ADGRL4: variants seen among roughly 807,000 people sequenced by gnomAD.
ADGRL4 encodes the protein EGF, latrophilin and seven transmembrane domain containing 1.
ADGRL4 carries 90 observed loss-of-function variants against 74.8 expected under a neutral mutation model. That is an observed-to-expected ratio of 1.20 (90% CI 1.02 to 1.43). ADGRL4 has a LOEUF of 1.43. ADGRL4 is among the 40% of genes most tolerant of loss of function. The pLI is 0.00. For synonymous variants in ADGRL4, 311 were observed against 279.2 expected (o/e 1.11, Z -1.14); for missense variants, 881 against 814.3 (o/e 1.08, Z -1.00).
intron 12 of ADGRL4, among the ~76,000 whole-genome samples, chr1:78,910,974 T>C (rs1012666203): frequency 6.6e-6 from 1 of 151,856 alleles, no homozygotes; most frequent in Non-Finnish European, 1.5e-5. Context: ...ACCTAAGTAG[T>C]TAACACTTAT....
chr1:78,891,474 C>G, intron 14 of ADGRL4, 50 bp downstream of exon 14: 1 of 1,544,734 alleles, frequency 6.5e-7, no homozygotes, highest in Middle Eastern at 1.7e-4. Flanking sequence ...AATTTGGCAA[C>G]TGATGTTACA....
Position 78,890,923 on chromosome 1 carries a change from AC to A in ADGRL4, c.*230del. ...CAATTACTTTCCAAATATCTGCAAT[AC>A]TATTTTTGACAGAACTATTTCACAT... On this transcript the variant is annotated 3_prime_UTR_variant, in exon 15 of 15. Coordinates refer to ENST00000370742, the MANE Select transcript of ADGRL4 (RefSeq NM_022159.4). The A allele has an allele frequency of 2.0e-6, 1 of 507,724 alleles. No individual in the cohort carries two copies. 31.5% of individuals were successfully genotyped at this position (507,724 alleles called of 1,614,324 possible). A position where few individuals can be genotyped will look rare whatever the true frequency, so the allele number is the denominator to read the frequency against.
At chr1:78,933,177 T>C (rs1649281518) in intron 7 of ADGRL4, among the ~76,000 whole-genome samples, 1 of 151,502 alleles carries the variant, frequency 6.6e-6, no homozygotes, top group Middle Eastern at 3.4e-3. Flanking sequence ...GCAAAAATCC[T>C]CAATAAAATA....
At chr1:78,915,313 C>A (rs1213267121) in intron 12 of ADGRL4, among the ~76,000 whole-genome samples, 1 of 151,846 alleles carries the variant, frequency 6.6e-6, no homozygotes, top group African/African-American at 2.4e-5. Flanking sequence ...ATGGCAAACT[C>A]TCATAAAAAA....
At chr1:78,921,890 A>T (rs1339963310) in intron 8 of ADGRL4, 104 bp from the exon 9 acceptor site, 2 of 568,752 alleles carry the variant, frequency 3.5e-6, no homozygotes, top group Non-Finnish European at 5.5e-6. Context: ...ACAATGCCTT[A>T]ACAGTGAAAC....
At position 78,937,875 on chromosome 1, in the gene ADGRL4, T is replaced by G. The variant is rs1649387967; in HGVS notation, c.692A>C (p.Gln231Pro). The G allele has an allele frequency of 6.2e-7, 1 of 1,613,956 alleles. No individual in the cohort carries two copies. Among genetic ancestry groups the G allele is most frequent in the African/African-American group, 1.3e-5 (1 of 74,938 alleles). Residue 231 changes from glutamine (Q) to proline (P), a missense_variant, in exon 6 of 15, where the codon CAA becomes CCA. Coordinates refer to ENST00000370742, the MANE Select transcript of ADGRL4 (RefSeq NM_022159.4). ...GCTCTGGGATATCCTTAAAGTAGCT[T>G]GTTCAACAGTGTGCATGAGTTTTGT... ...HLTKLMHTVEQATLRISQSFQ... is the reference protein window; with the variant it reads ...HLTKLMHTVEPATLRISQSFQ...
chr1:78,955,780 CA>C (rs1649817304), intron 2 of ADGRL4, among the ~76,000 whole-genome samples: 1 of 151,838 alleles, frequency 6.6e-6, no homozygotes, highest in African/African-American at 2.4e-5. Flanking sequence ...TGAGTTTTTC[CA>C]CACCTTCATA....
chr1:78,963,110 T>C (rs1035497657), intron 2 of ADGRL4, among the ~76,000 whole-genome samples: 2 of 152,194 alleles, frequency 1.3e-5, no homozygotes, highest in African/African-American at 4.8e-5. Context: ...ACCTGGCACA[T>C]AGAAGATGAA....
chr1:78,949,673 T>C (rs897174072), intron 2 of ADGRL4, among the ~76,000 whole-genome samples: 3 of 152,098 alleles, frequency 2.0e-5, no homozygotes, highest in Admixed American at 6.6e-5. Flanking sequence ...TCTGGATGAG[T>C]ATAGTATAGA....
intron 12 of ADGRL4, among the ~76,000 whole-genome samples, chr1:78,903,970 TAAA>T: frequency 1.1e-5 from 1 of 88,316 alleles, no homozygotes; most frequent in Non-Finnish European, 2.6e-5. Context: ...AATAAATAAA[TAAA>T]TAAATAATAA....
rs375608012 is a variant in ADGRL4 at position 78,973,524 on chromosome 1, G to A, written c.173-27098C>T. 4.0e-5 allele frequency among the ~76,000 whole-genome samples: 6 copies of A among 150,650 alleles called. No individual in the cohort carries two copies. In the East Asian group the frequency reaches 7.8e-4, roughly 20 times the overall value. On this transcript the variant is annotated intron_variant, in intron 2 of 14. Coordinates refer to ENST00000370742, the MANE Select transcript of ADGRL4 (RefSeq NM_022159.4). ...ACAAATTAAATAAAATGTAACACAC[G>A]CAAATCTCTCCTAAGTGATATACGA... is the stretch of plus-strand genomic sequence containing the variant.
intron 12 of ADGRL4, among the ~76,000 whole-genome samples, chr1:78,916,133 G>C (rs1387424): frequency 0.6 from 90,866 of 151,640 alleles, 27,178 homozygotes; most frequent in East Asian, 0.7. Flanking sequence ...TAAATTCTCT[G>C]TATCTTACCA....
At chr1:78,949,162 G>A (rs961187494) in intron 2 of ADGRL4, among the ~76,000 whole-genome samples, 2 of 152,072 alleles carry the variant, frequency 1.3e-5, no homozygotes. Context: ...TAGAGAAAAA[G>A]AACACATGAG....
At chr1:78,945,693 T>C (rs369908000) in intron 3 of ADGRL4, among the ~76,000 whole-genome samples, 1 of 152,112 alleles carries the variant, frequency 6.6e-6, no homozygotes, top group Non-Finnish European at 1.5e-5. Flanking sequence ...AAAAATTACA[T>C]TGAAATTATT....
At chr1:78,993,571 CATT>C (rs1557523941) in intron 2 of ADGRL4, among the ~76,000 whole-genome samples, 5 of 114,694 alleles carry the variant, frequency 4.4e-5, no homozygotes. Flanking sequence ...GCAAAAATTC[CATT>C]TTTTTTTTTT....
intron 12 of ADGRL4, among the ~76,000 whole-genome samples, chr1:78,898,846 T>C (rs1648455195): frequency 6.6e-6 from 1 of 152,180 alleles, no homozygotes; most frequent in Admixed American, 6.5e-5. Flanking sequence ...TACATTTTGT[T>C]GTTTGACAGT....
intron 6 of ADGRL4, 64 bp from the exon 7 acceptor site, chr1:78,936,475 A>T (rs1570240683): frequency 7.5e-7 from 1 of 1,333,734 alleles, no homozygotes; most frequent in East Asian, 2.6e-5. Flanking sequence ...TCATAAATAT[A>T]TTAGCTTAGA....
intron 7 of ADGRL4, among the ~76,000 whole-genome samples, chr1:78,928,253 C>T (rs536155986): frequency 3.3e-5 from 5 of 151,630 alleles, no homozygotes; most frequent in Non-Finnish European, 7.4e-5. Context: ...CAATTTTTGA[C>T]TTTTGATAAG....
intron 2 of ADGRL4, among the ~76,000 whole-genome samples, chr1:78,987,494 AGATT>A (rs1456209018): frequency 6.6e-6 from 1 of 151,816 alleles, no homozygotes; most frequent in Non-Finnish European, 1.5e-5. Flanking sequence ...AATTAAAATA[AGATT>A]GATTCCCAAT....
Sources: gnomAD v4.1 joint callset for allele counts (sites outside exome capture counted in the v4.1 genomes callset) on GRCh38, gnomAD v4.1.1 for gene constraint, MANE v1.5 for transcripts, NCBI Gene and HGNC (gene_info 2026-07-23, HGNC 2026-07-21) for gene names.